The following AXDND1 variants were observed in gnomAD, a reference collection of about 807,000 sequenced individuals.
AXDND1 encodes the protein axonemal dynein light chain domain-containing protein 1.
Under a neutral mutation model 137.5 loss-of-function variants are expected in AXDND1, and 110 were observed. That is an observed-to-expected ratio of 0.80 (90% confidence interval 0.69 to 0.94). AXDND1 has a LOEUF of 0.94. Among genes scored for constraint, AXDND1 ranks in the 40% least tolerant of loss-of-function variants. The pLI is 0.00. For missense variants in AXDND1, 1,191 were observed against 1,169.8 expected, an observed-to-expected ratio of 1.02 and a Z score of -0.26; for synonymous variants, 414 against 399.7, an observed-to-expected ratio of 1.04 and a Z score of -0.43.
At chr1:179,528,502 A>G (rs1670752208) in intron 23 of AXDND1, 71 bp downstream of exon 23, 2 of 1,107,970 alleles carry the variant, frequency 1.8e-6, no homozygotes, top group Non-Finnish European at 2.7e-6. Context: ...TGGTGCTAAC[A>G]TAACTTTTAG....
intron 16 of AXDND1, chr1:179,453,307 A>G (rs1255915609): frequency 6.6e-6 from 1 of 152,396 alleles, no homozygotes; most frequent in Non-Finnish European, 1.5e-5. Context: ...AGACCCCAGA[A>G]TGGTAGATCC....
chr1:179,517,592 G>T (rs2125663959), intron 21 of AXDND1, among the ~76,000 whole-genome samples: 1 of 152,344 alleles, frequency 6.6e-6, no homozygotes, highest in Admixed American at 6.5e-5. Context: ...GGAATGGCCT[G>T]CTTGGGGACC....
chr1:179,517,670 A>T (rs1022858557), intron 21 of AXDND1, among the ~76,000 whole-genome samples: 1 of 151,962 alleles, frequency 6.6e-6, no homozygotes, highest in African/African-American at 2.4e-5. Context: ...CTCTAAATTG[A>T]CTCAGCTCCA....
At chr1:179,416,369 T>C (rs1463774485) in intron 12 of AXDND1, among the ~76,000 whole-genome samples, 1 of 152,220 alleles carries the variant, frequency 6.6e-6, no homozygotes, top group East Asian at 1.9e-4. Context: ...ATATATTGGC[T>C]ATTGTGAATA....
intron 14 of AXDND1, among the ~76,000 whole-genome samples, chr1:179,431,575 T>A (rs12401639): frequency 0.16 from 24,438 of 151,534 alleles, 2,126 homozygotes; most frequent in African/African-American, 0.24. Flanking sequence ...TTTTTTTTTT[T>A]AAATTTTAAG....
intron 23 of AXDND1, among the ~76,000 whole-genome samples, chr1:179,528,694 C>T (rs997373697): frequency 7.5e-6 from 1 of 132,842 alleles, no homozygotes; most frequent in Admixed American, 8.9e-5. Flanking sequence ...CGGGTTCAAG[C>T]GATTCTCCTG....
chr1:179,529,936 CA>C (rs1169655698), intron 23 of AXDND1, among the ~76,000 whole-genome samples: 3 of 152,122 alleles, frequency 2.0e-5, no homozygotes, highest in South Asian at 2.1e-4. Flanking sequence ...AGAGAACTTT[CA>C]ACAAGTTTTA....
At chr1:179,491,428 T>A (rs897248290) in intron 18 of AXDND1, 110 bp from the exon 19 acceptor site, 3 of 708,318 alleles carry the variant, frequency 4.2e-6, no homozygotes, top group East Asian at 2.8e-5. Context: ...AGAATTATAA[T>A]GTTGAAAGTT....
rs11314780 is a variant in AXDND1 at position 179,432,244 on chromosome 1, CTT to C, written c.1488-13_1488-12del. On this transcript the variant is annotated intron_variant, in intron 14 of 25. Transcript: ENST00000367618. ...TTATGTCTTGTTCTGAGATGTTTCT[CTT>C]TTTTTTTTTCTTCTTTTCAGTGAAA... The C allele has an allele frequency of 2.0e-4, 263 of 1,320,640 alleles. 1 individual carries two copies. Among genetic ancestry groups the C allele is most frequent in the South Asian group, 1.2e-3 (78 of 67,564 alleles). The allele number at this position is 1,320,640 out of a possible 1,614,324, so 81.8% of individuals were successfully genotyped here.
chr1:179,415,559 G>A (rs1034244064), intron 12 of AXDND1, among the ~76,000 whole-genome samples: 7 of 152,156 alleles, frequency 4.6e-5, no homozygotes, highest in African/African-American at 1.7e-4. Context: ...CATGGTCGCA[G>A]AACTGTGAAA....
intron 11 of AXDND1, among the ~76,000 whole-genome samples, chr1:179,406,885 C>T (rs1023775430): frequency 6.6e-6 from 1 of 152,070 alleles, no homozygotes; most frequent in Non-Finnish European, 1.5e-5. Context: ...AGGACTTACT[C>T]CTGTCATTTT....
chr1:179,486,320 T>C (rs928671402), intron 18 of AXDND1, among the ~76,000 whole-genome samples: 1 of 152,016 alleles, frequency 6.6e-6, no homozygotes, highest in African/African-American at 2.4e-5. Context: ...CTGAGAAATA[T>C]GAAATTATGT....
chr1:179,410,920 C>T (rs2125220572), intron 11 of AXDND1, among the ~76,000 whole-genome samples: 1 of 152,224 alleles, frequency 6.6e-6, no homozygotes, highest in Admixed American at 6.5e-5. Flanking sequence ...GAGATTTTTA[C>T]TTTCATTAAG....
intron 21 of AXDND1, among the ~76,000 whole-genome samples, chr1:179,513,943 AT>A (rs1467799908): frequency 4.0e-5 from 6 of 151,076 alleles, no homozygotes; most frequent in Non-Finnish European, 7.4e-5. Flanking sequence ...GGTTATTTGG[AT>A]TTTTTCTGTT....
chr1:179,386,386 A>G (rs538751346), intron 9 of AXDND1, among the ~76,000 whole-genome samples: 4 of 151,494 alleles, frequency 2.6e-5, no homozygotes, highest in African/African-American at 7.3e-5. Flanking sequence ...GAGCAGTTTC[A>G]CTATGCTATG....
intron 12 of AXDND1, among the ~76,000 whole-genome samples, chr1:179,423,624 G>A (rs1466079570): frequency 1.3e-5 from 2 of 151,664 alleles, no homozygotes; most frequent in African/African-American, 2.4e-5. Context: ...TTACCATGAA[G>A]CTTACAAAAA....
intron 10 of AXDND1, 76 bp downstream of exon 10, chr1:179,394,119 G>A (rs758446004): frequency 2.9e-4 from 418 of 1,432,484 alleles, no homozygotes; most frequent in Non-Finnish European, 3.7e-4. Flanking sequence ...AATATTTAGG[G>A]AAAGTGGAAT....
chr1:179,528,188 A>C (rs1045523015), intron 22 of AXDND1, 139 bp from the exon 23 acceptor site: 4 of 625,194 alleles, frequency 6.4e-6, no homozygotes, highest in Non-Finnish European at 1.1e-5. Flanking sequence ...GAAAGTCTTC[A>C]AAAATTCTTG....
At chr1:179,428,570 C>A (rs1304616670) in intron 12 of AXDND1, among the ~76,000 whole-genome samples, 1 of 152,236 alleles carries the variant, frequency 6.6e-6, no homozygotes, top group Non-Finnish European at 1.5e-5. Context: ...CTTTTAAGAG[C>A]TTCAAGAAAT....
Sources: gnomAD v4.1 joint callset for allele counts (sites outside exome capture counted in the v4.1 genomes callset) on GRCh38, gnomAD v4.1.1 for gene constraint, MANE v1.5 for transcripts, NCBI Gene and HGNC (gene_info 2026-07-23, HGNC 2026-07-21) for gene names.